The following TMEM202 variants were observed in gnomAD, a reference collection of about 807,000 sequenced individuals.
TMEM202 encodes transmembrane protein 202.
Under a neutral mutation model 26.1 loss-of-function variants are expected in TMEM202, and 25 were observed. The ratio of observed to expected loss-of-function variants is 0.96; its 90% CI spans 0.70 to 1.34. TMEM202 has a LOEUF of 1.34. TMEM202 is among the 40% of genes most tolerant of loss of function. The pLI is 0.00. For missense variants in TMEM202, 301 were observed against 327.7 expected, an observed-to-expected ratio of 0.92 and a Z score of 0.63; for synonymous variants, 122 against 119.0, an observed-to-expected ratio of 1.02 and a Z score of -0.16.
Position 72,400,889 on chromosome 15 carries a change from GT to G in TMEM202, c.337+1986del, listed in dbSNP as rs1185362235. On this transcript the variant is annotated intron_variant, in intron 2 of 4. Transcript: ENST00000341689. Reference sequence around the variant, plus strand: ...AACAAGGGGTGAATTATATTCATAAGTTTTTGGGGAAAGAGGTGGGCAATTC... The same window carrying G: ...AACAAGGGGTGAATTATATTCATAAGTTTTGGGGAAAGAGGTGGGCAATTC... Among the ~76,000 whole-genome samples the G allele has an allele frequency of 3.9e-5, 6 of 152,324 alleles. No individual in the cohort carries two copies. In the East Asian group the frequency reaches 9.6e-4, roughly 24 times the overall value.
At chr15:72,407,272 A>G in intron 4 of TMEM202, 55 bp downstream of exon 4, 4 of 1,590,014 alleles carry the variant, frequency 2.5e-6, no homozygotes, top group Non-Finnish European at 3.4e-6. Context: ...TCGCTTCTGG[A>G]AAGGGAGGTA....
At chr15:72,402,603 C>A (rs1436972761) in intron 2 of TMEM202, among the ~76,000 whole-genome samples, 1 of 152,160 alleles carries the variant, frequency 6.6e-6, no homozygotes, top group Non-Finnish European at 1.5e-5. Context: ...AAGTGTAGAA[C>A]AGACCCTTCT....
chr15:72,399,191 G>A, intron 2 of TMEM202, among the ~76,000 whole-genome samples: 1 of 152,200 alleles, frequency 6.6e-6, no homozygotes, highest in East Asian at 1.9e-4. Flanking sequence ...TAGCCGAAGT[G>A]CAAAAGCACT....
Position 72,398,747 on chromosome 15 carries a change from T to A in TMEM202, c.176T>A (p.Leu59His), listed in dbSNP as rs757890017. Reference protein sequence around the residue: ...MDQAHIYIRTLCGSLCSFSLL... With the variant: ...MDQAHIYIRTHCGSLCSFSLL... The stretch of plus-strand genomic sequence containing the variant: ...CAGGCACACATCTACATCCGAACGC[T>A]CTGTGGCAGCCTCTGTAGTTTTAGC... Residue 59 changes from leucine to histidine, a missense_variant, in exon 2 of 5, where the codon CTC (leucine) becomes CAC (histidine). Coordinates refer to ENST00000341689, the MANE Select transcript of TMEM202 (RefSeq NM_001080462.3). The A allele has an allele frequency of 2.5e-6, 4 of 1,614,032 alleles. No homozygotes were observed. In the South Asian group the frequency reaches 4.4e-5, roughly 18 times the overall value.
intron 2 of TMEM202, among the ~76,000 whole-genome samples, chr15:72,399,466 T>C (rs1301536138): frequency 6.6e-6 from 1 of 152,220 alleles, no homozygotes; most frequent in African/African-American, 2.4e-5. Context: ...TACAAGGTGT[T>C]ACTGCTAAGC....
intron 2 of TMEM202, among the ~76,000 whole-genome samples, chr15:72,403,086 T>C (rs1845097851): frequency 6.6e-6 from 1 of 152,174 alleles, no homozygotes; most frequent in South Asian, 2.1e-4. Context: ...TGGCCAACTT[T>C]TACTTCCACA....
At chr15:72,405,908 C>CA (rs1040350908) in intron 2 of TMEM202, among the ~76,000 whole-genome samples, 160 of 151,474 alleles carry the variant, frequency 1.1e-3, no homozygotes, top group African/African-American at 3.8e-3. Context: ...GACTCTGTCT[C>CA]AAAAAAATAA....
chr15:72,406,718 G>A lies in TMEM202; in HGVS notation c.454G>A (p.Asp152Asn). 2 of 1,614,024 alleles carry A rather than the reference G, an allele frequency of 1.2e-6. No homozygotes were observed. Among genetic ancestry groups the A allele is most frequent in the Non-Finnish European group, 1.7e-6 (2 of 1,179,998 alleles). The change falls in exon 3 of 5, where the codon GAT becomes AAT. Residue 152 changes from aspartate to asparagine, a missense_variant. Asp to Asn is a conservative substitution (Grantham distance 23). Transcript: ENST00000341689. The part of the protein sequence containing the change: ...LNRGSMTTNL[D>N]LKVSMLSFIS... ...TCGAGGAAGCATGACCACCAACTTG[G>A]ATCTGAAGGTATCCATGCTCAGCTT...
intron 2 of TMEM202, among the ~76,000 whole-genome samples, chr15:72,401,027 T>C (rs961210826): frequency 6.6e-6 from 1 of 152,190 alleles, no homozygotes; most frequent in South Asian, 2.1e-4. Flanking sequence ...AGTATGCTAA[T>C]GCATTATAAT....
Position 72,407,800 on chromosome 15 carries a change from A to G in TMEM202, c.729A>G (p.Thr243=). ...GGCTGGGGGTTGGTCCGGTGACTAC[A>G]GTATCACCTGCTAAAGATGAAGGGC... ...RSRLGVGPVT[T]VSPAKDEGPR... Residue 243 remains threonine (T), a synonymous_variant, in exon 5 of 5, where the codon ACA becomes ACG. Coordinates refer to ENST00000341689, the MANE Select transcript of TMEM202 (RefSeq NM_001080462.3). 1 of 1,614,086 alleles carries G rather than the reference A, an allele frequency of 6.2e-7. No individual in the cohort carries two copies. Among genetic ancestry groups the G allele is most frequent in the Non-Finnish European group, 8.5e-7 (1 of 1,179,998 alleles).
rs1595826803 is a variant in TMEM202 at position 72,406,745 on chromosome 15, A to G, written c.481A>G (p.Ile161Val). 1 of 1,614,134 alleles carries G rather than the reference A, an allele frequency of 6.2e-7. No individual in the cohort carries two copies. Among genetic ancestry groups the G allele is most frequent in the South Asian group, 1.1e-5 (1 of 91,074 alleles). Residue 161 changes from isoleucine (I) to valine (V), a missense_variant, in exon 3 of 5, where the codon ATC becomes GTC. Coordinates refer to ENST00000341689, the MANE Select transcript of TMEM202 (RefSeq NM_001080462.3). ...TCTGAAGGTATCCATGCTCAGCTTC[A>G]TCTCAGGTACAGACCTAGACTGGCA... ...LDLKVSMLSF[I>V]SATCLLLCLN...
chr15:72,404,714 C>A (rs1157944994), intron 2 of TMEM202, among the ~76,000 whole-genome samples: 1 of 152,174 alleles, frequency 6.6e-6, no homozygotes, highest in East Asian at 1.9e-4. Flanking sequence ...AATCCAATTT[C>A]TAAGCATAAG....
intron 2 of TMEM202, among the ~76,000 whole-genome samples, chr15:72,401,351 C>T (rs964063613): frequency 6.6e-6 from 1 of 152,098 alleles, no homozygotes; most frequent in African/African-American, 2.4e-5. Flanking sequence ...CAAGACCAGC[C>T]TGAGCAACAA....
At chr15:72,401,926 T>C (rs1189483804) in intron 2 of TMEM202, among the ~76,000 whole-genome samples, 1 of 152,174 alleles carries the variant, frequency 6.6e-6, no homozygotes, top group East Asian at 1.9e-4. Flanking sequence ...CCTGTGACAA[T>C]ATAATGTTAT....
chr15:72,407,629 A>G, intron 4 of TMEM202, 62 bp from the exon 5 acceptor site: 1 of 1,512,222 alleles, frequency 6.6e-7, no homozygotes, highest in Non-Finnish European at 9.2e-7. Context: ...ATGCATAAGA[A>G]TTTTAAAAGC....
chr15:72,401,370 C>G (rs923752474), intron 2 of TMEM202, among the ~76,000 whole-genome samples: 9 of 151,952 alleles, frequency 5.9e-5, no homozygotes, highest in Non-Finnish European at 1.2e-4. Flanking sequence ...AAGGTAAAAC[C>G]CTGTCTCTAC....
chr15:72,400,124 A>G (rs2063540791), intron 2 of TMEM202, among the ~76,000 whole-genome samples: 1 of 152,256 alleles, frequency 6.6e-6, no homozygotes, highest in South Asian at 2.1e-4. Flanking sequence ...TGCAACAATT[A>G]TGAAAGATAA....
intron 2 of TMEM202, among the ~76,000 whole-genome samples, chr15:72,401,087 C>T (rs1289528690): frequency 1.3e-5 from 2 of 152,156 alleles, no homozygotes; most frequent in African/African-American, 2.4e-5. Context: ...TTGTTGCCAT[C>T]TTGGTTTTAG....
chr15:72,400,790 GCTACTC>G (rs1482875895), intron 2 of TMEM202, among the ~76,000 whole-genome samples: 1 of 152,154 alleles, frequency 6.6e-6, no homozygotes, highest in African/African-American at 2.4e-5. Flanking sequence ...TAAAAGAATG[GCTACTC>G]CATAGGAAGA....
Sources: gnomAD v4.1 joint callset for allele counts (sites outside exome capture counted in the v4.1 genomes callset) on GRCh38, gnomAD v4.1.1 for gene constraint, MANE v1.5 for transcripts, NCBI Gene and HGNC (gene_info 2026-07-23, HGNC 2026-07-21) for gene names.